Variants in TFEC observed in about 807,000 individuals in gnomAD.
TFEC encodes the protein transcription factor EC, also known as class E basic helix-loop-helix protein 34.
TFEC carries 31 observed loss-of-function variants against 41.6 expected under a neutral mutation model. That is an observed-to-expected ratio of 0.74 (90% confidence interval 0.56 to 1.01). TFEC has a LOEUF of 1.01. Among genes scored for constraint, TFEC ranks in the 50% least tolerant of loss-of-function variants. TFEC has a pLI of 0.00. For synonymous variants in TFEC, 143 were observed against 140.6 expected (o/e 1.02, Z -0.12); for missense variants, 402 against 404.1 (o/e 0.99, Z 0.04).
intron 2 of TFEC, among the ~76,000 whole-genome samples, chr7:115,983,982 A>AT (rs1209919233): frequency 6.6e-6 from 1 of 152,164 alleles, no homozygotes; most frequent in Non-Finnish European, 1.5e-5. Context: ...AACATTTACA[A>AT]TTAGGGCTAA....
intron 1 of TFEC, among the ~76,000 whole-genome samples, chr7:115,997,139 C>T (rs932401496): frequency 6.6e-6 from 1 of 152,172 alleles, no homozygotes; most frequent in African/African-American, 2.4e-5. Context: ...AAACCCAGTG[C>T]TGTGCTGGCT....
chr7:116,061,333 C>T (rs1796551871), intron 3 of TFEC, among the ~76,000 whole-genome samples: 1 of 151,894 alleles, frequency 6.6e-6, no homozygotes, highest in African/African-American at 2.4e-5. Context: ...CTGATTTTGA[C>T]CAAGGTGTAA....
chr7:116,081,534 G>A (rs990763718), intron 3 of TFEC, among the ~76,000 whole-genome samples: 8 of 151,984 alleles, frequency 5.3e-5, no homozygotes, highest in Non-Finnish European at 1.0e-4. Flanking sequence ...GGTTTATTGT[G>A]TAAAAAGTTA....
intron 1 of TFEC, among the ~76,000 whole-genome samples, chr7:116,148,648 C>A (rs1562987171): frequency 6.6e-6 from 1 of 152,166 alleles, no homozygotes; most frequent in Non-Finnish European, 1.5e-5. Context: ...GGATCTTTAA[C>A]CTCCATTGCG....
At chr7:116,058,902 C>A (rs181212402) in intron 3 of TFEC, among the ~76,000 whole-genome samples, 1 of 151,440 alleles carries the variant, frequency 6.6e-6, no homozygotes, top group Non-Finnish European at 1.5e-5. Context: ...TATTGAGGGA[C>A]GAATTTTTAG....
intron 6 of TFEC, among the ~76,000 whole-genome samples, chr7:115,946,465 G>T (rs1791564536): frequency 1.3e-5 from 2 of 148,860 alleles, no homozygotes. Context: ...ACCCAGGCTG[G>T]AATGCAGTGG....
chr7:116,123,498 T>C (rs914914946), intron 1 of TFEC, among the ~76,000 whole-genome samples: 6 of 152,096 alleles, frequency 3.9e-5, no homozygotes, highest in Non-Finnish European at 8.8e-5. Flanking sequence ...GGTTTAAACA[T>C]CATTTTTGTC....
At chr7:115,999,238 G>C (rs1166924709) in intron 1 of TFEC, among the ~76,000 whole-genome samples, 2 of 151,966 alleles carry the variant, frequency 1.3e-5, no homozygotes, top group African/African-American at 4.8e-5. Context: ...GCTCCTGAAT[G>C]ACCAGTGGGC....
At chr7:116,027,666 T>C (rs901471694) in intron 1 of TFEC, among the ~76,000 whole-genome samples, 1 of 151,976 alleles carries the variant, frequency 6.6e-6, no homozygotes, top group African/African-American at 2.4e-5. Flanking sequence ...AAGCTGAGCA[T>C]TGGAAACATG....
upstream of TFEC, among the ~76,000 whole-genome samples, chr7:116,035,646 G>C (rs932443523): frequency 1.1e-4 from 17 of 152,030 alleles, no homozygotes; most frequent in African/African-American, 4.1e-4. Flanking sequence ...CACACGATAA[G>C]ACTATGCTAA....
chr7:116,107,855 C>T (rs944177825), intron 3 of TFEC, among the ~76,000 whole-genome samples: 3 of 152,130 alleles, frequency 2.0e-5, no homozygotes, highest in African/African-American at 7.2e-5. Context: ...AGTTCAAAAT[C>T]TGCAAATGGG....
In TFEC at chr7:116,030,585, T is replaced by C. The variant is rs1352687632; in HGVS notation, c.-73+48A>G. ...ACAAGTATTGATTAGTTTGTCTTCC[T>C]AGTTTGTTTAAAGTACAGAAAATTA... On this transcript the variant is annotated intron_variant, in intron 1 of 7. Coordinates refer to ENST00000265440, the MANE Select transcript of TFEC (RefSeq NM_012252.4). 9.3e-6 allele frequency: 9 copies of C among 972,228 alleles called. No homozygotes were observed. The African/African-American group carries it at 1.1e-4, about 11-fold the overall frequency. The allele number at this position is 972,228 out of a possible 1,614,324, so 60.2% of individuals were successfully genotyped here.
intron 3 of TFEC, among the ~76,000 whole-genome samples, chr7:116,072,000 T>C (rs1796840946): frequency 6.6e-6 from 1 of 151,564 alleles, no homozygotes; most frequent in African/African-American, 2.4e-5. Flanking sequence ...TCATTGTTGA[T>C]TTCTTTCCCA....
intron 1 of TFEC, among the ~76,000 whole-genome samples, chr7:116,151,903 G>A (rs1226188202): frequency 2.0e-5 from 3 of 151,880 alleles, no homozygotes; most frequent in Non-Finnish European, 4.4e-5. Flanking sequence ...TGTAAACAAA[G>A]ATAAAATTTC....
rs1187359737 is a variant in TFEC, at chr7:115,937,637, T to C, written c.*2914A>G. On this transcript the variant is annotated 3_prime_UTR_variant, in exon 8 of 8. Coordinates refer to ENST00000265440, the MANE Select transcript of TFEC (RefSeq NM_012252.4). ...CGACTACTTCATAAATGAACAACTT[T>C]TTTAGTGAATAATCTAAAGTTTGGT... 1.3e-5 allele frequency: 2 copies of C among 151,764 alleles called. No homozygotes were observed. The highest frequency in any genetic ancestry group is 1.5e-5 in the Non-Finnish European group (1 of 67,750). The allele number at this position is 151,764 out of a possible 1,614,324, so 9.4% of individuals were successfully genotyped here.
intron 3 of TFEC, among the ~76,000 whole-genome samples, chr7:116,041,145 T>A (rs78677526): frequency 7.6e-4 from 115 of 152,292 alleles, no homozygotes; most frequent in African/African-American, 2.4e-3. Flanking sequence ...TAGACTAGTA[T>A]GGAAACATAC....
chr7:115,995,388 CATAT>C (rs899855135), intron 1 of TFEC, among the ~76,000 whole-genome samples: 4 of 151,530 alleles, frequency 2.6e-5, no homozygotes, highest in Admixed American at 6.6e-5. Flanking sequence ...ACTATGTATG[CATAT>C]ATATATACAC....
intron 1 of TFEC, among the ~76,000 whole-genome samples, chr7:116,156,133 G>A (rs1798866668): frequency 6.6e-6 from 1 of 152,124 alleles, no homozygotes; most frequent in South Asian, 2.1e-4. Context: ...ATCTTAGCCT[G>A]TGCTGACAGC....
chr7:116,125,960 G>A (rs1798201169), intron 1 of TFEC, among the ~76,000 whole-genome samples: 1 of 152,150 alleles, frequency 6.6e-6, no homozygotes, highest in Admixed American at 6.5e-5. Flanking sequence ...AGGACAGCAA[G>A]GAGAGCCACC....
Sources: gnomAD v4.1 joint callset for allele counts (sites outside exome capture counted in the v4.1 genomes callset) on GRCh38, gnomAD v4.1.1 for gene constraint, MANE v1.5 for transcripts, NCBI Gene and HGNC (gene_info 2026-07-23, HGNC 2026-07-21) for gene names.